PRKCZ: variants seen among roughly 807,000 people sequenced by gnomAD.
PRKCZ encodes the protein protein kinase C zeta.
Under a neutral mutation model 79.5 loss-of-function variants are expected in PRKCZ, and 33 were observed. The ratio of observed to expected loss-of-function variants is 0.41; its 90% CI spans 0.31 to 0.55. PRKCZ has a LOEUF of 0.55. Among genes scored for constraint, PRKCZ ranks in the 20% least tolerant of loss-of-function variants. The pLI, the probability that PRKCZ is intolerant of heterozygous loss-of-function variation, is 0.19. For missense variants in PRKCZ, 578 were observed against 813.5 expected, an observed-to-expected ratio of 0.71 and a Z score of 3.52; for synonymous variants, 342 against 320.9, an observed-to-expected ratio of 1.07 and a Z score of -0.70.
At chr1:2,104,902 A>G in intron 4 of PRKCZ, 1 of 985,418 alleles carries the variant, frequency 1.0e-6, no homozygotes, top group Non-Finnish European at 1.2e-6. Flanking sequence ...CAGGGTGAGT[A>G]GCCTTTATTC....
chr1:2,064,213 GGTT>G (rs1197545640), intron 4 of PRKCZ, among the ~76,000 whole-genome samples: 7 of 152,200 alleles, frequency 4.6e-5, no homozygotes, highest in Non-Finnish European at 1.0e-4. Context: ...TTTTTGAATG[GGTT>G]GTTTGGTTTT....
chr1:2,109,497 T>C (rs4648808), intron 4 of PRKCZ, among the ~76,000 whole-genome samples: 122,974 of 152,194 alleles, frequency 0.81, 51,079 homozygotes, highest in Admixed American at 0.89. Context: ...ATTAAACATG[T>C]GGATTGCAAC....
rs1296363788 is a variant in PRKCZ, at chr1:2,177,567, A to T, written c.1575+2254A>T. On this transcript the variant is annotated intron_variant, in intron 16 of 17. Transcript: ENST00000378567. The surrounding 1 kb of genome is among the most constrained non-coding windows in gnomAD (Gnocchi z 6.4). ...GCTCCTTCTCTTCGGAGCACTGTCT[A>T]ATCTGAGTGTGAGTCCAACCCTGCC... is the stretch of plus-strand genomic sequence containing the variant. 1.3e-5 allele frequency among the ~76,000 whole-genome samples: 2 copies of T among 152,172 alleles called. No individual in the cohort carries two copies.
intron 4 of PRKCZ, among the ~76,000 whole-genome samples, chr1:2,062,012 G>A (rs1343202308): frequency 2.6e-5 from 4 of 152,180 alleles, no homozygotes; most frequent in Non-Finnish European, 4.4e-5. Flanking sequence ...TACAGTGGAT[G>A]GAGCACGCCA....
intron 4 of PRKCZ, among the ~76,000 whole-genome samples, chr1:2,112,285 G>A (rs1669891870): frequency 6.6e-6 from 1 of 152,360 alleles, no homozygotes; most frequent in Non-Finnish European, 1.5e-5. Context: ...TGTGGGTTAA[G>A]CTGAGGCCCC....
At chr1:2,104,982 A>G in intron 4 of PRKCZ, 1 of 955,156 alleles carries the variant, frequency 1.0e-6, no homozygotes, top group South Asian at 4.8e-5. Flanking sequence ...CCCGACAGCC[A>G]CCCTGGCTTG....
Position 2,128,067 on chromosome 1 carries a change from G to A in PRKCZ, c.335-7195G>A, listed in dbSNP as rs1370448636. On this transcript the variant is annotated intron_variant, in intron 4 of 17. Coordinates refer to ENST00000378567, the MANE Select transcript of PRKCZ (RefSeq NM_002744.6). The surrounding 1 kb of genome is among the most constrained non-coding windows in gnomAD (Gnocchi z 6.5). ...AATCGCTGCCCAGGGAAGAAGCTCCGGAGTCTAGAGGTGGCAGCACCCATT... is the reference window on the plus strand; with the variant it reads ...AATCGCTGCCCAGGGAAGAAGCTCCAGAGTCTAGAGGTGGCAGCACCCATT... Among the ~76,000 whole-genome samples the A allele has an allele frequency of 5.9e-5, 9 of 152,158 alleles. No homozygotes were observed. The highest frequency in any genetic ancestry group is 2.1e-4 in the South Asian group (1 of 4,838).
At chr1:2,064,882 A>T (rs1360668839) in intron 4 of PRKCZ, among the ~76,000 whole-genome samples, 1 of 152,244 alleles carries the variant, frequency 6.6e-6, no homozygotes. Flanking sequence ...CTATTTCTGC[A>T]AAAAACATTA....
At position 2,172,445 on chromosome 1, in the gene PRKCZ, G is replaced by C. The variant is rs1684616811; in HGVS notation, c.1285+57G>C. ...CACACAGGGCCAGAGATGGCTTCGG[G>C]CCTGGCCCAGCAGCCAGGGAGAGGT... On this transcript the variant is annotated intron_variant, in intron 13 of 17. Transcript: ENST00000378567. The surrounding 1 kb of genome is among the most constrained non-coding windows in gnomAD (Gnocchi z 7.8). 9 of 1,536,618 alleles carry C rather than the reference G, an allele frequency of 5.9e-6. No individual in the cohort carries two copies. The highest frequency in any genetic ancestry group is 1.8e-6 in the Non-Finnish European group (2 of 1,134,112).
intron 4 of PRKCZ, among the ~76,000 whole-genome samples, chr1:2,104,533 G>A (rs558268251): frequency 6.6e-6 from 1 of 152,258 alleles, no homozygotes; most frequent in East Asian, 1.9e-4. Flanking sequence ...GAGGCATCCA[G>A]TGGCGCGAAT....
chr1:2,083,638 G>A (rs1329048992), intron 4 of PRKCZ, among the ~76,000 whole-genome samples: 1 of 152,196 alleles, frequency 6.6e-6, no homozygotes, highest in Non-Finnish European at 1.5e-5. Context: ...GCAGTGTTGG[G>A]TTAAGATTGT....
intron 4 of PRKCZ, among the ~76,000 whole-genome samples, chr1:2,108,495 C>T (rs1365196864): frequency 6.6e-6 from 1 of 152,232 alleles, no homozygotes; most frequent in Non-Finnish European, 1.5e-5. Context: ...GAGTGGGTGC[C>T]GTCCAGGTCT....
At chr1:2,061,792 AG>A (rs893440170) in intron 4 of PRKCZ, among the ~76,000 whole-genome samples, 1 of 152,148 alleles carries the variant, frequency 6.6e-6, no homozygotes, top group Non-Finnish European at 1.5e-5. Flanking sequence ...ACCAGGGCTT[AG>A]GGGGCTGGCG....
chr1:2,146,142 T>C, intron 7 of PRKCZ, 34 bp downstream of exon 7: 1 of 1,577,244 alleles, frequency 6.3e-7, no homozygotes, highest in South Asian at 1.1e-5. Context: ...GGGTAGAGCC[T>C]GGGCATCACC....
chr1:2,179,513 A>G (rs1283308074), intron 16 of PRKCZ, among the ~76,000 whole-genome samples: 1 of 152,254 alleles, frequency 6.6e-6, no homozygotes, highest in African/African-American at 2.4e-5. Flanking sequence ...GCATGGTCCC[A>G]GCTCCCCACT....
intron 4 of PRKCZ, among the ~76,000 whole-genome samples, chr1:2,116,053 G>T (rs758605028): frequency 4.6e-5 from 7 of 151,986 alleles, no homozygotes; most frequent in Non-Finnish European, 8.8e-5. Flanking sequence ...TCCTGGAGCT[G>T]TCCCGGCTCC....
intron 7 of PRKCZ, among the ~76,000 whole-genome samples, 181 bp downstream of exon 7, chr1:2,146,289 C>T (rs1478009751): frequency 5.9e-5 from 9 of 152,202 alleles, no homozygotes; most frequent in Admixed American, 2.6e-4. Context: ...TCTCAATCCC[C>T]GGCAGAGATG....
At position 2,172,098 on chromosome 1, in the gene PRKCZ, G is replaced by A. The variant is rs750125138; in HGVS notation, c.1105G>A (p.Glu369Lys). Residue 369 changes from glutamate (E) to lysine (K), a missense_variant, in exon 12 of 18, where the codon GAG (glutamate) becomes AAG (lysine). Around this residue, in one of 4 missense-constraint regions of PRKCZ, gnomAD observed 243 missense variants for 467.0 expected, o/e 0.52. Coordinates refer to ENST00000378567, the MANE Select transcript of PRKCZ (RefSeq NM_002744.6). This position sits in a 1 kb window ranked among gnomAD's most constrained non-coding sequence, Gnocchi z 7.8. Reference sequence around the variant, plus strand: ...CTGCATCGCCCTCAACTTCCTGCACGAGAGGGGGATCATCTACAGGGACCT... The same window carrying A: ...CTGCATCGCCCTCAACTTCCTGCACAAGAGGGGGATCATCTACAGGGACCT... ...EICIALNFLH[E>K]RGIIYRDLKL... 10 of 1,613,232 alleles carry A rather than the reference G, an allele frequency of 6.2e-6. No individual in the cohort carries two copies. Among genetic ancestry groups the A allele is most frequent in the African/African-American group, 1.3e-5 (1 of 74,928 alleles).
intron 8 of PRKCZ, 141 bp from the exon 9 acceptor site, chr1:2,150,649 G>A (rs1679705002): frequency 2.5e-6 from 2 of 802,962 alleles, no homozygotes; most frequent in African/African-American, 1.7e-5. Flanking sequence ...GGATATGTGG[G>A]ACGCAGAACT....
Sources: gnomAD v4.1 joint callset for allele counts (sites outside exome capture counted in the v4.1 genomes callset) on GRCh38, gnomAD v4.1.1 for gene constraint, gnomAD v4.1.1 regional missense constraint, Gnocchi (gnomAD v3.1) non-coding constraint, MANE v1.5 for transcripts, NCBI Gene and HGNC (gene_info 2026-07-23, HGNC 2026-07-21) for gene names.